Variants in TRPV6 observed in about 807,000 individuals in gnomAD.
The protein encoded by TRPV6 is Alu-binding protein with zinc finger domain.
A neutral mutation model predicts 79.0 loss-of-function variants in TRPV6; 39 were observed. The observed-to-expected ratio is 0.49, with a 90% CI of 0.38 to 0.64. TRPV6 has a LOEUF of 0.64. Ranked by LOEUF, TRPV6 falls within the 30% of genes least tolerant of loss-of-function variation. The pLI, the probability that TRPV6 is intolerant of heterozygous loss-of-function variation, is 0.00. For synonymous variants in TRPV6, 373 were observed against 391.9 expected (o/e 0.95, Z 0.57); for missense variants, 813 against 1,011.1 (o/e 0.80, Z 2.66).
chr7:142,884,756 C>T (rs1795267433), intron 1 of TRPV6: 1 of 152,202 alleles, frequency 6.6e-6, no homozygotes. Flanking sequence ...CAGTCCCCAC[C>T]CGCACTGAGA....
chr7:142,871,771 C>G lies in TRPV6; in HGVS notation c.2234G>C (p.Arg745Thr). 1 of 1,614,168 alleles carries G rather than the reference C, an allele frequency of 6.2e-7. No homozygotes were observed. Among genetic ancestry groups the G allele is most frequent in the Non-Finnish European group, 8.5e-7 (1 of 1,180,004 alleles). The change falls in exon 15 of 15, where the codon AGA (arginine) becomes ACA (threonine). Residue 745 changes from arginine (R) to threonine (T), a missense_variant. This residue lies in a region of TRPV6 where 164 missense variants were observed against 186.1 expected (regional missense o/e 0.88). Coordinates refer to ENST00000359396, the MANE Select transcript of TRPV6 (RefSeq NM_018646.6). The stretch of plus-strand genomic sequence containing the variant: ...CCTGTTGATTATCCCACGCAGGTCT[C>G]TCCTCAGGGTCCCTTGCCGAAGCCT...
chr7:142,874,844 A>C lies in TRPV6; in HGVS notation c.1406+60T>G, dbSNP rs150620470. The stretch of plus-strand genomic sequence containing the variant: ...AAGGTTCTTGAGAGGTCAGGAATCC[A>C]AGGAGTGGAACTGGAGCCCTGTTGA... On this transcript the variant is annotated intron_variant, in intron 10 of 14. Coordinates refer to ENST00000359396, the MANE Select transcript of TRPV6 (RefSeq NM_018646.6). The C allele has an allele frequency of 3.1e-5, 49 of 1,606,060 alleles. No homozygotes were observed. The East Asian group carries it at 6.9e-4, about 23-fold the overall frequency.
intron 1 of TRPV6, chr7:142,878,809 T>C (rs900217854): frequency 1.3e-5 from 2 of 152,236 alleles, no homozygotes; most frequent in African/African-American, 4.8e-5. Context: ...CAGCAGCACA[T>C]GAGCCCTTAT....
chr7:142,879,194 C>T (rs2116525294), intron 1 of TRPV6: 1 of 152,304 alleles, frequency 6.6e-6, no homozygotes, highest in African/African-American at 2.4e-5. Flanking sequence ...CTGAATGTTC[C>T]CATTCTGTCT....
Position 142,876,638 on chromosome 7 carries a change from C to T in TRPV6, c.707-55G>A, listed in dbSNP as rs112914509. 6 of 1,612,226 alleles carry T rather than the reference C, an allele frequency of 3.7e-6. No individual in the cohort carries two copies. In the African/African-American group the frequency reaches 4.0e-5, roughly 11 times the overall value. On this transcript the variant is annotated intron_variant, in intron 5 of 14. Transcript: ENST00000359396. Reference sequence around the variant, plus strand: ...ACTGGCCTAAAGTCCCTGATGTCCCCATCCCCACCCTGAGGTCTTCCTGAA... The same window carrying T: ...ACTGGCCTAAAGTCCCTGATGTCCCTATCCCCACCCTGAGGTCTTCCTGAA...
chr7:142,874,035 C>G, intron 12 of TRPV6, 41 bp downstream of exon 12: 1 of 1,603,598 alleles, frequency 6.2e-7, no homozygotes, highest in Non-Finnish European at 8.5e-7. Flanking sequence ...ACTTCCTCAT[C>G]TCTTCCCTGC....
At position 142,871,815 on chromosome 7, in the gene TRPV6, G is replaced by A; in HGVS notation, c.2190C>T (p.Arg730=). The A allele has an allele frequency of 6.2e-7, 1 of 1,614,214 alleles. No homozygotes were observed. The highest frequency in any genetic ancestry group is 8.5e-7 in the Non-Finnish European group (1 of 1,180,032). ...GAAGCCTTTCCCAATTGGCACTGCT[G>A]CGGGAGGTACTTCGAGACACTGAGG... Residue 730 remains arginine, a synonymous_variant, in exon 15 of 15, where the codon CGC becomes CGT. Coordinates refer to ENST00000359396, the MANE Select transcript of TRPV6 (RefSeq NM_018646.6).
At chr7:142,876,982 G>T in intron 4 of TRPV6, 145 bp from the exon 5 acceptor site, 2 of 1,435,944 alleles carry the variant, frequency 1.4e-6, no homozygotes, top group Non-Finnish European at 9.4e-7. Context: ...AGGAAGGGTC[G>T]TGGGGTAAAT....
chr7:142,874,932 T>C lies in TRPV6; in HGVS notation c.1378A>G (p.Ile460Val). The change falls in exon 10 of 15, where the codon ATC becomes GTC. Residue 460 changes from isoleucine to valine, a missense_variant. Ile to Val is a conservative substitution (Grantham distance 29). Around this residue, in one of 3 missense-constraint regions of TRPV6, gnomAD observed 555 missense variants for 631.0 expected, o/e 0.88. Coordinates refer to ENST00000359396, the MANE Select transcript of TRPV6 (RefSeq NM_018646.6). The stretch of plus-strand genomic sequence containing the variant: ...AGGACATGGAATGGGCCCCCAAGGA[T>C]GGTCTGTCCAAAGAAGCGAGTGACC... 6.2e-7 allele frequency: 1 copy of C among 1,614,026 alleles called. No homozygotes were observed. Among genetic ancestry groups the C allele is most frequent in the Non-Finnish European group, 8.5e-7 (1 of 1,180,006 alleles).
In TRPV6 at chr7:142,877,183, C is replaced by T. The variant is rs767697518; in HGVS notation, c.566G>A (p.Gly189Asp). 6.2e-7 allele frequency: 1 copy of T among 1,614,210 alleles called. No homozygotes were observed. Among genetic ancestry groups the T allele is most frequent in the South Asian group, 1.1e-5 (1 of 91,088 alleles). The change falls in exon 4 of 15, where the codon GGC becomes GAC. Residue 189 changes from glycine (G) to aspartate (D), a missense_variant. Transcript: ENST00000359396. ...GCAGGGACTACGGCGGAAGGCAGTG[C>T]CTGTGGCTCTGGCAGAGACACTGGC...
At chr7:142,882,189 G>A (rs1292010044) in intron 1 of TRPV6, 1 of 152,456 alleles carries the variant, frequency 6.6e-6, no homozygotes, top group Non-Finnish European at 1.5e-5. Context: ...GTACATAACA[G>A]GGTTGCTCGG....
Position 142,877,163 on chromosome 7 carries a change from G to A in TRPV6, c.586C>T (p.Pro196Ser), listed in dbSNP as rs1395564378. The A allele has an allele frequency of 6.2e-7, 1 of 1,614,208 alleles. No homozygotes were observed. Among genetic ancestry groups the A allele is most frequent in the Non-Finnish European group, 8.5e-7 (1 of 1,180,036 alleles). ...TCACCAAAGTAGATGAGGTTGCAGG[G>A]ACTACGGCGGAAGGCAGTGCCTGTG... Residue 196 changes from proline to serine, a missense_variant, in exon 4 of 15, where the codon CCC becomes TCC. Physicochemically the swap from Pro to Ser is moderately conservative, Grantham distance 74. This residue lies in a region of TRPV6 where 555 missense variants were observed against 631.0 expected (regional missense o/e 0.88). Transcript: ENST00000359396.
rs1794926453 is a variant in TRPV6 at position 142,871,493 on chromosome 7, C to T, written c.*214G>A. On this transcript the variant is annotated 3_prime_UTR_variant, in exon 15 of 15. Transcript: ENST00000359396. ...GGAGAGTTCCTCACGCCCTGCCAGCCCCGTGCTTGGGCTGGGCTTCCTCTG... is the reference window on the plus strand; with the variant it reads ...GGAGAGTTCCTCACGCCCTGCCAGCTCCGTGCTTGGGCTGGGCTTCCTCTG... The T allele has an allele frequency of 3.4e-6, 2 of 590,122 alleles. No individual in the cohort carries two copies. Among genetic ancestry groups the T allele is most frequent in the Non-Finnish European group, 5.8e-6 (2 of 343,276 alleles). 36.6% of individuals were successfully genotyped at this position (590,122 alleles called of 1,614,324 possible).
At chr7:142,878,868 C>T (rs968905267) in intron 1 of TRPV6, 3 of 152,166 alleles carry the variant, frequency 2.0e-5, no homozygotes, top group African/African-American at 7.2e-5. Context: ...GAATCCAAAT[C>T]TGCAGTTTAA....
intron 1 of TRPV6, chr7:142,882,291 C>T (rs1164515954): frequency 6.6e-6 from 1 of 152,228 alleles, no homozygotes; most frequent in African/African-American, 2.4e-5. Flanking sequence ...CACTCATTAT[C>T]ACTTTTGCTC....
At chr7:142,885,305 C>T in intron 1 of TRPV6, 84 bp downstream of exon 1, 1 of 1,485,132 alleles carries the variant, frequency 6.7e-7, no homozygotes, top group Non-Finnish European at 9.0e-7. Flanking sequence ...AGGTGCCAAA[C>T]AAAGACGGGA....
In TRPV6 at chr7:142,871,541, C is replaced by T; in HGVS notation, c.*166G>A. The T allele has an allele frequency of 3.5e-6, 3 of 856,904 alleles. No homozygotes were observed. The highest frequency in any genetic ancestry group is 5.2e-6 in the Non-Finnish European group (3 of 572,244). The allele number at this position is 856,904 out of a possible 1,614,324, so 53.1% of individuals were successfully genotyped here. On this transcript the variant is annotated 3_prime_UTR_variant, in exon 15 of 15. Coordinates refer to ENST00000359396, the MANE Select transcript of TRPV6 (RefSeq NM_018646.6). ...CTGCCCCAGAGCTGAAGGAGTAATG[C>T]AGGCCTGGAGCAGTGATTCTCAACG...
intron 1 of TRPV6, chr7:142,879,492 T>G (rs1001464286): frequency 2.6e-5 from 4 of 152,194 alleles, no homozygotes; most frequent in Non-Finnish European, 5.9e-5. Context: ...TATTTATCCA[T>G]AGTTTGACAA....
intron 1 of TRPV6, chr7:142,879,929 G>A (rs1795159094): frequency 6.6e-6 from 1 of 152,184 alleles, no homozygotes; most frequent in African/African-American, 2.4e-5. Context: ...TGCCCATGAA[G>A]CTCTTTCCTT....
Sources: gnomAD v4.1 joint callset for allele counts on GRCh38, gnomAD v4.1.1 for gene constraint, gnomAD v4.1.1 regional missense constraint, MANE v1.5 for transcripts, NCBI Gene and HGNC (gene_info 2026-07-23, HGNC 2026-07-21) for gene names.